The following DOCK3 variants were observed in gnomAD, a reference collection of about 807,000 sequenced individuals.
DOCK3 encodes dedicator of cytokinesis protein 3.
A neutral mutation model predicts 265.6 loss-of-function variants in DOCK3; 60 were observed. The ratio of observed to expected loss-of-function variants is 0.23; its 90% confidence interval spans 0.18 to 0.28. The LOEUF (loss-of-function observed/expected upper bound fraction) is 0.28. DOCK3 is among the 10% of genes least tolerant of loss of function. The pLI is 1.00. For missense variants in DOCK3, 1,981 were observed against 2,594.3 expected (o/e 0.76, Z 5.14); for synonymous variants, 881 against 938.0 (o/e 0.94, Z 1.11).
chr3:50,675,174 G>A lies in DOCK3; in HGVS notation c.-90G>A, dbSNP rs1190303346. On this transcript the variant is annotated 5_prime_UTR_variant, in exon 1 of 53. Transcript: ENST00000266037. This position sits in a 1 kb window ranked among gnomAD's most constrained non-coding sequence, Gnocchi z 6.1. The stretch of plus-strand genomic sequence containing the variant: ...CGCGCCGCCTGACCGTCCCCGCCTC[G>A]ACTCGCGGTGCGCCACAGCCGGGCC... 17 of 954,128 alleles carry A rather than the reference G, an allele frequency of 1.8e-5. No individual in the cohort carries two copies. The highest frequency in any genetic ancestry group is 2.0e-5 in the Non-Finnish European group (16 of 784,202). The allele number at this position is 954,128 out of a possible 1,614,324, so 59.1% of individuals were successfully genotyped here.
intron 13 of DOCK3, among the ~76,000 whole-genome samples, chr3:51,211,203 C>A (rs1245474101): frequency 6.6e-6 from 1 of 152,024 alleles, no homozygotes; most frequent in Non-Finnish European, 1.5e-5. Flanking sequence ...TGGTACCCTG[C>A]AATATTTTAC....
chr3:50,680,439 C>T (rs2034318284), intron 1 of DOCK3, among the ~76,000 whole-genome samples: 1 of 150,846 alleles, frequency 6.6e-6, no homozygotes, highest in Non-Finnish European at 1.5e-5. Context: ...GTCTCGAGCT[C>T]CTGACCTCAA....
chr3:50,733,001 T>C (rs1311563305), intron 1 of DOCK3, among the ~76,000 whole-genome samples: 3 of 152,202 alleles, frequency 2.0e-5, no homozygotes, highest in Non-Finnish European at 4.4e-5. Context: ...AGGCTGGTCT[T>C]GAACTCCTGA....
At chr3:51,206,603 A>C (rs1333615539) in intron 12 of DOCK3, among the ~76,000 whole-genome samples, 1 of 152,110 alleles carries the variant, frequency 6.6e-6, no homozygotes, top group Admixed American at 6.6e-5. Flanking sequence ...GGCAAGAAAT[A>C]CCATTAATAA....
intron 5 of DOCK3, among the ~76,000 whole-genome samples, chr3:51,033,166 A>G (rs553972191): frequency 5.3e-5 from 8 of 152,198 alleles, no homozygotes; most frequent in Non-Finnish European, 8.8e-5. Flanking sequence ...AAACTTTCAC[A>G]GAATTGCCCT....
intron 27 of DOCK3, among the ~76,000 whole-genome samples, chr3:51,302,340 C>G (rs1254147342): frequency 1.3e-5 from 2 of 152,130 alleles, no homozygotes; most frequent in African/African-American, 4.8e-5. Flanking sequence ...TGAGATGGGT[C>G]TCTCGAATAC....
intron 2 of DOCK3, chr3:50,786,941 T>G (rs2042213806): frequency 1.4e-6 from 1 of 740,104 alleles, no homozygotes; most frequent in African/African-American, 1.7e-5. Flanking sequence ...TCCACAGGTT[T>G]CACATGTAAA....
chr3:51,274,450 CTG>C (rs562193522), intron 24 of DOCK3, among the ~76,000 whole-genome samples: 8 of 152,246 alleles, frequency 5.3e-5, no homozygotes, highest in African/African-American at 1.9e-4. Flanking sequence ...TCACTGTAAA[CTG>C]TGCTTCTAAT....
At chr3:50,689,080 A>G (rs2035037113) in intron 1 of DOCK3, among the ~76,000 whole-genome samples, 1 of 152,206 alleles carries the variant, frequency 6.6e-6, no homozygotes, top group Non-Finnish European at 1.5e-5. Context: ...CTCACTTGCC[A>G]CTGTAAAGCG....
intron 1 of DOCK3, among the ~76,000 whole-genome samples, chr3:50,734,132 C>G (rs896567978): frequency 6.6e-6 from 1 of 152,196 alleles, no homozygotes. Context: ...TCCACTGTCT[C>G]TCTGTCTACC....
At chr3:50,837,614 G>A (rs2045583175) in intron 2 of DOCK3, among the ~76,000 whole-genome samples, 1 of 152,148 alleles carries the variant, frequency 6.6e-6, no homozygotes, top group South Asian at 2.1e-4. Flanking sequence ...AGATTTAGAT[G>A]GGGACAGAGA....
chr3:51,167,413 G>C (rs2086463395), intron 12 of DOCK3, among the ~76,000 whole-genome samples: 1 of 152,140 alleles, frequency 6.6e-6, no homozygotes, highest in African/African-American at 2.4e-5. Context: ...TCACAAGATT[G>C]CTTTGGGTAT....
At chr3:50,832,825 G>C (rs915515252) in intron 2 of DOCK3, among the ~76,000 whole-genome samples, 5 of 152,228 alleles carry the variant, frequency 3.3e-5, no homozygotes, top group Middle Eastern at 3.4e-3. Flanking sequence ...AGGGTCTCTT[G>C]TATTCAGGTT....
At chr3:51,239,841 C>CT (rs945381997) in intron 21 of DOCK3, among the ~76,000 whole-genome samples, 26 of 151,978 alleles carry the variant, frequency 1.7e-4, no homozygotes, top group South Asian at 6.2e-4. Flanking sequence ...AGAATATTCT[C>CT]TTTTTTCTTC....
intron 2 of DOCK3, among the ~76,000 whole-genome samples, chr3:50,814,776 A>G (rs1576519266): frequency 6.6e-6 from 1 of 151,980 alleles, no homozygotes; most frequent in Non-Finnish European, 1.5e-5. Flanking sequence ...CTGCTGGGAT[A>G]TACTTTCATA....
intron 9 of DOCK3, among the ~76,000 whole-genome samples, chr3:51,110,341 T>TA (rs1415400027): frequency 6.6e-6 from 1 of 152,148 alleles, no homozygotes; most frequent in Non-Finnish European, 1.5e-5. Flanking sequence ...ATCATTCTGA[T>TA]ACCAAAACCT....
chr3:51,167,484 A>G (rs1278147944), intron 12 of DOCK3, among the ~76,000 whole-genome samples: 2 of 152,160 alleles, frequency 1.3e-5, no homozygotes, highest in Non-Finnish European at 2.9e-5. Context: ...CCTGTGAAAA[A>G]TGTCATTTGG....
chr3:51,247,848 C>A (rs1384816619), intron 22 of DOCK3, among the ~76,000 whole-genome samples: 1 of 152,118 alleles, frequency 6.6e-6, no homozygotes, highest in Non-Finnish European at 1.5e-5. Flanking sequence ...GGTGCTGAGG[C>A]ATGTGAGGAA....
At chr3:50,731,524 T>C (rs1441910557) in intron 1 of DOCK3, among the ~76,000 whole-genome samples, 2 of 152,224 alleles carry the variant, frequency 1.3e-5, no homozygotes. Flanking sequence ...ACCTTTTTCT[T>C]AATTTTCCTG....
Sources: gnomAD v4.1 joint callset for allele counts (sites outside exome capture counted in the v4.1 genomes callset) on GRCh38, gnomAD v4.1.1 for gene constraint, Gnocchi (gnomAD v3.1) non-coding constraint, MANE v1.5 for transcripts, NCBI Gene and HGNC (gene_info 2026-07-23, HGNC 2026-07-21) for gene names.